The following DUOX1 variants were observed in gnomAD, a reference collection of about 807,000 sequenced individuals.
DUOX1 encodes NADPH thyroid oxidase 1.
A neutral mutation model predicts 181.8 loss-of-function variants in DUOX1; 134 were observed. The ratio of observed to expected loss-of-function variants is 0.74; its 90% CI spans 0.64 to 0.85. The LOEUF (loss-of-function observed/expected upper bound fraction) is 0.85. DUOX1 is among the 40% of genes least tolerant of loss of function. The probability of loss-of-function intolerance (pLI) is 0.00; values close to 1 mark genes in which losing one functional copy is unlikely to be tolerated. For missense variants in DUOX1, 1,814 were observed against 2,064.4 expected (o/e 0.88, Z 2.35); for synonymous variants, 798 against 832.5 (o/e 0.96, Z 0.71).
At chr15:45,133,496 GT>G (rs1489178219) in intron 2 of DUOX1, among the ~76,000 whole-genome samples, 2 of 152,100 alleles carry the variant, frequency 1.3e-5, no homozygotes, top group Non-Finnish European at 2.9e-5. Context: ...ATTCTGTCCT[GT>G]TGTGTCCCCT....
chr15:45,153,270 G>A lies in DUOX1; in HGVS notation c.3425-110G>A, dbSNP rs1209158032. On this transcript the variant is annotated intron_variant, in intron 25 of 33. Coordinates refer to ENST00000389037, the MANE Select transcript of DUOX1 (RefSeq NM_175940.3). ...AGAGGTCAGAAGTCGAGACTCCTAAGGTACTTCTCTGGGACCCCCACTCTG... is the reference window on the plus strand; with the variant it reads ...AGAGGTCAGAAGTCGAGACTCCTAAAGTACTTCTCTGGGACCCCCACTCTG... 10 of 713,820 alleles carry A rather than the reference G, an allele frequency of 1.4e-5. No individual in the cohort carries two copies. In the African/African-American group the frequency reaches 1.8e-4, roughly 13 times the overall value. The allele number at this position is 713,820 out of a possible 1,614,324, so 44.2% of individuals were successfully genotyped here. A position where few individuals can be genotyped will look rare whatever the true frequency, so the allele number is the denominator to read the frequency against.
intron 4 of DUOX1, among the ~76,000 whole-genome samples, chr15:45,134,854 C>T (rs1896245970): frequency 6.6e-6 from 1 of 152,152 alleles, no homozygotes; most frequent in Non-Finnish European, 1.5e-5. Context: ...TAGGCACACT[C>T]ACAGGGCACC....
intron 31 of DUOX1, among the ~76,000 whole-genome samples, chr15:45,163,111 C>A (rs1414790107): frequency 6.6e-6 from 1 of 152,228 alleles, no homozygotes; most frequent in Non-Finnish European, 1.5e-5. Flanking sequence ...CTTCCACCCG[C>A]TGGTATCTCT....
At chr15:45,144,279 C>T in intron 17 of DUOX1, 44 bp downstream of exon 17, 1 of 1,602,052 alleles carries the variant, frequency 6.2e-7, no homozygotes, top group Non-Finnish European at 8.5e-7. Context: ...CAGCCAAGGC[C>T]AGGGAGGCAG....
Position 45,142,053 on chromosome 15 carries a change from T to A in DUOX1, c.1763T>A (p.Phe588Tyr). ...GCTCCCTCTGTTGTTCGTGACTATT[T>A]TGAGGGCAGTGGATTTGGCTTCGGG... is the stretch of plus-strand genomic sequence containing the variant. ...ACAPSVVRDYFEGSGFGFGVT... is the reference protein window; with the variant it reads ...ACAPSVVRDYYEGSGFGFGVT... Residue 588 changes from phenylalanine to tyrosine, a missense_variant, in exon 15 of 34, where the codon TTT becomes TAT. Phe to Tyr is a conservative substitution (Grantham distance 22, BLOSUM62 3). Transcript: ENST00000389037. The A allele has an allele frequency of 6.2e-7, 1 of 1,614,058 alleles. No homozygotes were observed. The highest frequency in any genetic ancestry group is 8.5e-7 in the Non-Finnish European group (1 of 1,180,028).
chr15:45,146,703 T>C (rs1436303540), intron 18 of DUOX1, among the ~76,000 whole-genome samples: 2 of 152,202 alleles, frequency 1.3e-5, no homozygotes, highest in Admixed American at 6.5e-5. Flanking sequence ...CTCTTCCCAC[T>C]ACAGCACCTT....
chr15:45,136,739 G>T (rs1238694087), intron 9 of DUOX1, 114 bp downstream of exon 9: 8 of 951,786 alleles, frequency 8.4e-6, no homozygotes, highest in Non-Finnish European at 1.3e-5. Flanking sequence ...GTCCCCAAGG[G>T]AAAGACCGAT....
chr15:45,134,256 G>A lies in DUOX1; in HGVS notation c.254G>A (p.Gly85Asp). Residue 85 changes from glycine (G) to aspartate (D), a missense_variant, in exon 4 of 34, where the codon GGC becomes GAC. Physicochemically the swap from Gly to Asp is moderately conservative, Grantham distance 94. Coordinates refer to ENST00000389037, the MANE Select transcript of DUOX1 (RefSeq NM_175940.3). ...GACCTTAGCAACACCATCTCAAGGG[G>A]CCCTGCAGGGCTGGCCTCCCTGAGA... Reference protein sequence around the residue: ...PRDLSNTISRGPAGLASLRNR... With the variant: ...PRDLSNTISRDPAGLASLRNR... The A allele has an allele frequency of 6.3e-7, 1 of 1,598,010 alleles. No individual in the cohort carries two copies. The highest frequency in any genetic ancestry group is 2.2e-5 in the East Asian group (1 of 44,508).
intron 29 of DUOX1, among the ~76,000 whole-genome samples, chr15:45,161,293 C>T (rs1361466411): frequency 6.6e-6 from 1 of 151,518 alleles, no homozygotes; most frequent in East Asian, 1.9e-4. Flanking sequence ...GTGGCATGCA[C>T]CTGTAGTCCC....
At chr15:45,140,776 G>A (rs1595580305) in intron 12 of DUOX1, 119 bp from the exon 13 acceptor site, 1 of 994,946 alleles carries the variant, frequency 1.0e-6, no homozygotes, top group East Asian at 2.4e-5. Context: ...GTATAGGAGT[G>A]AGTTACTGTT....
At chr15:45,160,316 G>A (rs1381463008) in intron 28 of DUOX1, among the ~76,000 whole-genome samples, 1 of 152,186 alleles carries the variant, frequency 6.6e-6, no homozygotes, top group Non-Finnish European at 1.5e-5. Flanking sequence ...CAGGAGAAGG[G>A]CATTCCAGGC....
chr15:45,163,986 C>T (rs1200779220), intron 33 of DUOX1, 68 bp downstream of exon 33: 8 of 1,571,148 alleles, frequency 5.1e-6, no homozygotes, highest in Non-Finnish European at 6.1e-6. Context: ...GCTCCCAAAC[C>T]TTCCCCATCG....
chr15:45,143,140 C>CT, intron 15 of DUOX1, 50 bp from the exon 16 acceptor site: 1 of 1,448,822 alleles, frequency 6.9e-7, no homozygotes, highest in Non-Finnish European at 9.7e-7. Flanking sequence ...GAGCTGCTTC[C>CT]ATCCCCTAGA....
chr15:45,139,083 T>C lies in DUOX1; in HGVS notation c.1131T>C (p.Ser377=), dbSNP rs1272106036. Residue 377 remains serine, a synonymous_variant, in exon 11 of 34, where the codon AGT becomes AGC. Transcript: ENST00000389037. ...CTATAAAGCACCCAAGCCTACAAAG[T>C]GCTGAAGATGTGGATGCACTGCTGC... is the stretch of plus-strand genomic sequence containing the variant. The part of the protein sequence containing the change: ...YWSREHPSLQ[S]AEDVDALLLG... The C allele has an allele frequency of 3.1e-6, 5 of 1,614,012 alleles. No homozygotes were observed. Among genetic ancestry groups the C allele is most frequent in the South Asian group, 1.1e-5 (1 of 91,064 alleles).
chr15:45,160,888 T>A lies in DUOX1; in HGVS notation c.3754T>A (p.Phe1252Ile). The A allele has an allele frequency of 6.2e-7, 1 of 1,613,750 alleles. No individual in the cohort carries two copies. The highest frequency in any genetic ancestry group is 8.5e-7 in the Non-Finnish European group (1 of 1,179,742). Residue 1252 changes from phenylalanine to isoleucine, a missense_variant, in exon 29 of 34, where the codon TTC (phenylalanine) becomes ATC (isoleucine). Transcript: ENST00000389037. ...ALIQLPRFHI[F>I]FLVPAIIYGG... ...GATCCAGCTGCCCCGTTTCCACATC[T>A]TCTTCCTGGTCCCAGCAATCATCTA...
rs775192745 is a variant in DUOX1, at chr15:45,144,988, G to A, written c.2230G>A (p.Glu744Lys). ...GAGCGGGTTGAGCATCCAGGAGTGG[G>A]AGCTGCGGGAGCAGGAGCTGATGAG... ...KESGLSIQEW[E>K]LREQELMRAA... The change falls in exon 18 of 34, where the codon GAG becomes AAG. Residue 744 changes from glutamate (E) to lysine (K), a missense_variant. This residue lies in a region of DUOX1 where 1,064 missense variants were observed against 1,152.9 expected (regional missense o/e 0.92). Transcript: ENST00000389037. 2.0e-5 allele frequency: 33 copies of A among 1,614,060 alleles called. No individual in the cohort carries two copies. Among genetic ancestry groups the A allele is most frequent in the African/African-American group, 4.0e-5 (3 of 74,936 alleles).
At chr15:45,150,739 G>A (rs767448055) in intron 22 of DUOX1, 38 bp downstream of exon 22, 1 of 1,601,840 alleles carries the variant, frequency 6.2e-7, no homozygotes, top group Non-Finnish European at 8.6e-7. Flanking sequence ...GGAGGAGTTG[G>A]GGAGTTGCCA....
chr15:45,138,878 G>A, intron 10 of DUOX1, 188 bp from the exon 11 acceptor site: 2 of 597,768 alleles, frequency 3.3e-6, no homozygotes. Context: ...AGGCAGCACT[G>A]ACAGAGGGGA....
At chr15:45,151,763 C>T in intron 23 of DUOX1, 111 bp from the exon 24 acceptor site, 2 of 1,145,498 alleles carry the variant, frequency 1.7e-6, no homozygotes, top group Non-Finnish European at 2.5e-6. Context: ...GTTTCTTTCT[C>T]GGAAGCAGTG....
Sources: allele counts gnomAD v4.1 joint callset (sites outside exome capture counted in the v4.1 genomes callset), GRCh38; gene constraint gnomAD v4.1.1; regional missense constraint gnomAD v4.1.1; transcripts MANE v1.5; gene names NCBI Gene and HGNC (gene_info 2026-07-23, HGNC 2026-07-21).